TBL1XR1: variants seen among roughly 807,000 people sequenced by gnomAD.
The protein encoded by TBL1XR1 is TBL1X/Y related 1, also known as F-box-like/WD repeat-containing protein TBL1XR1.
TBL1XR1 carries 5 observed loss-of-function variants against 66.9 expected under a neutral mutation model. The ratio of observed to expected loss-of-function variants is 0.07; its 90% CI spans 0.04 to 0.16. The LOEUF is 0.16. Among genes scored for constraint, TBL1XR1 ranks in the 10% least tolerant of loss-of-function variants. The pLI, the probability that TBL1XR1 is intolerant of heterozygous loss-of-function variation, is 1.00. For synonymous variants in TBL1XR1, 210 were observed against 206.0 expected (o/e 1.02, Z -0.17); for missense variants, 238 against 623.2 (o/e 0.38, Z 6.58).
At position 177,082,858 on chromosome 3, in the gene TBL1XR1, C is replaced by T. The variant is rs560104186; in HGVS notation, c.-46+15608G>A. On this transcript the variant is annotated intron_variant, in intron 2 of 15. Transcript: ENST00000457928. The stretch of plus-strand genomic sequence containing the variant: ...GCAAGCTCCACCTCCCAGGTTCACG[C>T]CATTCTCCTGCCTCAGCCTCTGGAG... 1.1e-3 allele frequency among the ~76,000 whole-genome samples: 162 copies of T among 149,076 alleles called. 1 individual carries two copies. Among genetic ancestry groups the T allele is most frequent in the African/African-American group, 3.9e-3 (157 of 40,436 alleles).
chr3:177,197,890 G>A (rs1302340284), upstream of TBL1XR1, among the ~76,000 whole-genome samples: 11 of 149,186 alleles, frequency 7.4e-5, no homozygotes, highest in African/African-American at 1.9e-4. Flanking sequence ...GGTGTGCTCG[G>A]GTGTGGGCCG....
At chr3:177,110,618 C>CA (rs1725438231) in intron 1 of TBL1XR1, among the ~76,000 whole-genome samples, 1 of 152,078 alleles carries the variant, frequency 6.6e-6, no homozygotes, top group Admixed American at 6.5e-5. Context: ...TGAATTTTTT[C>CA]AATACCTTCT....
At chr3:177,070,372 TGAATAAATTACA>T (rs1376644772) in intron 2 of TBL1XR1, among the ~76,000 whole-genome samples, 2 of 152,078 alleles carry the variant, frequency 1.3e-5, no homozygotes, top group Non-Finnish European at 2.9e-5. Context: ...ATGGAATAAC[TGAATAAATTACA>T]GTCAAGGTAT....
rs113188726 is a variant in TBL1XR1 at position 177,125,836 on chromosome 3, A to C, written c.-121-27295T>G. ...CAAACTGACAAAGATTTTATATTTC[A>C]AATAGTAAGCTAAGGAATGACTTTT... is the stretch of plus-strand genomic sequence containing the variant. On this transcript the variant is annotated intron_variant, in intron 1 of 15. Coordinates refer to ENST00000457928, the MANE Select transcript of TBL1XR1 (RefSeq NM_024665.7). Among the ~76,000 whole-genome samples the C allele has an allele frequency of 2.0e-4, 31 of 152,360 alleles. 1 individual carries two copies. The highest frequency in any genetic ancestry group is 7.5e-4 in the African/African-American group (31 of 41,594).
In TBL1XR1 at chr3:177,183,792, A is replaced by G. The variant is rs559382962; in HGVS notation, c.-122+13329T>C. Among the ~76,000 whole-genome samples, 4 of 151,758 alleles carry G rather than the reference A, an allele frequency of 2.6e-5. No homozygotes were observed. In the South Asian group the frequency reaches 8.4e-4, roughly 32 times the overall value. ...AAAACTTTATTTTTAAGAAAGGTACAATCTTCTTTTTCTTGAAACATCTAA... is the reference window on the plus strand; with the variant it reads ...AAAACTTTATTTTTAAGAAAGGTACGATCTTCTTTTTCTTGAAACATCTAA... On this transcript the variant is annotated intron_variant, in intron 1 of 15. Coordinates refer to ENST00000457928, the MANE Select transcript of TBL1XR1 (RefSeq NM_024665.7).
chr3:177,061,233 T>C (rs868260304), intron 3 of TBL1XR1, among the ~76,000 whole-genome samples: 6 of 152,228 alleles, frequency 3.9e-5, no homozygotes, highest in African/African-American at 7.2e-5. Flanking sequence ...CACAGCAACG[T>C]ATTTTATAGG....
intron 1 of TBL1XR1, among the ~76,000 whole-genome samples, chr3:177,185,416 C>T (rs1317561883): frequency 6.6e-6 from 1 of 152,036 alleles, no homozygotes; most frequent in Non-Finnish European, 1.5e-5. Flanking sequence ...CAAGACCAGC[C>T]TGGCCAACAT....
At chr3:177,179,065 C>A (rs532505975) in intron 1 of TBL1XR1, among the ~76,000 whole-genome samples, 1 of 138,490 alleles carries the variant, frequency 7.2e-6, no homozygotes, top group South Asian at 2.3e-4. Context: ...TGCAGTGAGC[C>A]AAGATCACGC....
chr3:177,140,437 T>A (rs1729504406), intron 1 of TBL1XR1, among the ~76,000 whole-genome samples: 3 of 152,218 alleles, frequency 2.0e-5, no homozygotes, highest in African/African-American at 7.2e-5. Context: ...AAGATTACCA[T>A]TTTCTATCAA....
intron 1 of TBL1XR1, among the ~76,000 whole-genome samples, chr3:177,131,998 G>C (rs1560210214): frequency 1.3e-5 from 2 of 151,810 alleles, no homozygotes; most frequent in Non-Finnish European, 2.9e-5. Context: ...AAATAAGAGA[G>C]GTAATGGCAT....
intron 1 of TBL1XR1, among the ~76,000 whole-genome samples, chr3:177,134,971 G>C (rs200152473): frequency 6.8e-6 from 1 of 146,066 alleles, no homozygotes; most frequent in African/African-American, 2.5e-5. Flanking sequence ...GTGTGTCTGT[G>C]TGTGTGTCTG....
chr3:177,048,109 A>G (rs1047557017), intron 7 of TBL1XR1, among the ~76,000 whole-genome samples: 1 of 152,158 alleles, frequency 6.6e-6, no homozygotes, highest in African/African-American at 2.4e-5. Context: ...ATATTTGCCA[A>G]TAAAAAGATC....
intron 1 of TBL1XR1, among the ~76,000 whole-genome samples, chr3:177,189,562 G>A (rs1034714267): frequency 6.6e-6 from 1 of 151,352 alleles, no homozygotes; most frequent in Admixed American, 6.6e-5. Context: ...GGCTAAGGCA[G>A]GAGAATCGCT....
chr3:177,195,907 G>A lies in TBL1XR1; in HGVS notation c.-122+1214C>T, dbSNP rs184282142. Among the ~76,000 whole-genome samples the A allele has an allele frequency of 1.2e-3, 189 of 152,286 alleles. 1 individual carries two copies. The highest frequency in any genetic ancestry group is 2.1e-3 in the Non-Finnish European group (142 of 68,022). On this transcript the variant is annotated intron_variant, in intron 1 of 15. Coordinates refer to ENST00000457928, the MANE Select transcript of TBL1XR1 (RefSeq NM_024665.7). ...ACTCTTCACCCCTGGTGCCTGCACA[G>A]TCCAAGATTTCAAGTAAACTCCAGA...
At chr3:177,173,869 T>C (rs537569426) in intron 1 of TBL1XR1, among the ~76,000 whole-genome samples, 1 of 152,286 alleles carries the variant, frequency 6.6e-6, no homozygotes, top group South Asian at 2.1e-4. Context: ...ATTTCAAAAG[T>C]TAATATTTTT....
At chr3:177,085,610 G>A (rs1722021106) in intron 2 of TBL1XR1, among the ~76,000 whole-genome samples, 1 of 152,088 alleles carries the variant, frequency 6.6e-6, no homozygotes, top group African/African-American at 2.4e-5. Flanking sequence ...AAAACTTTAT[G>A]ACTGAAAAAA....
intron 1 of TBL1XR1, among the ~76,000 whole-genome samples, chr3:177,151,237 A>G (rs79588250): frequency 0.024 from 3,677 of 152,322 alleles, 84 homozygotes; most frequent in East Asian, 0.086. Context: ...TCTCCTGATG[A>G]AGTATTTTTC....
chr3:177,113,770 G>A (rs2108733428), intron 1 of TBL1XR1, among the ~76,000 whole-genome samples: 1 of 152,136 alleles, frequency 6.6e-6, no homozygotes, highest in East Asian at 1.9e-4. Flanking sequence ...AAGAATGTTC[G>A]ACATCACTAA....
chr3:177,127,892 C>A (rs767932436), intron 1 of TBL1XR1, among the ~76,000 whole-genome samples: 3 of 152,184 alleles, frequency 2.0e-5, no homozygotes, highest in Non-Finnish European at 2.9e-5. Context: ...ATATTAAAAA[C>A]ATTTACTATC....
Sources: allele counts gnomAD v4.1 joint callset (sites outside exome capture counted in the v4.1 genomes callset), GRCh38; gene constraint gnomAD v4.1.1; transcripts MANE v1.5; gene names NCBI Gene and HGNC (gene_info 2026-07-23, HGNC 2026-07-21).